ZBTB40: variants seen among roughly 807,000 people sequenced by gnomAD.
The protein encoded by ZBTB40 is zinc finger and BTB domain containing 40.
A neutral mutation model predicts 117.5 loss-of-function variants in ZBTB40; 60 were observed. The ratio of observed to expected loss-of-function variants is 0.51; its 90% confidence interval spans 0.41 to 0.63. The LOEUF (loss-of-function observed/expected upper bound fraction) is 0.63. Among genes scored for constraint, ZBTB40 ranks in the 30% least tolerant of loss-of-function variants. The pLI is 0.00. For synonymous variants in ZBTB40, 525 were observed against 577.1 expected (o/e 0.91, Z 1.29); for missense variants, 1,287 against 1,498.5 (o/e 0.86, Z 2.33).
chr1:22,449,171 A>G (rs1423871407), upstream of ZBTB40, among the ~76,000 whole-genome samples: 4 of 152,226 alleles, frequency 2.6e-5, no homozygotes, highest in African/African-American at 9.6e-5. Flanking sequence ...TGTTCTTGGC[A>G]TATAGTAGTC....
rs1357577114 is a variant in ZBTB40, at chr1:22,524,264, T to C, written c.3345T>C (p.Phe1115=). 2 of 1,614,196 alleles carry C rather than the reference T, an allele frequency of 1.2e-6. No homozygotes were observed. The highest frequency in any genetic ancestry group is 1.7e-5 in the Admixed American group (1 of 60,026). The change falls in exon 17 of 18, where the codon TTT becomes TTC. Residue 1115 remains phenylalanine, a synonymous_variant. Coordinates refer to ENST00000375647, the MANE Select transcript of ZBTB40 (RefSeq NM_014870.4). ...TGTACTGTGCTGCTACTTTCCGTTT[T>C]CCTGGAGCATTGCAGCACCATGTCA... The part of the protein sequence containing the change: ...RCLYCAATFR[F]PGALQHHVTT...
chr1:22,522,399 C>T lies in ZBTB40; in HGVS notation c.3234C>T (p.Asp1078=), dbSNP rs758667699. ...CAGATATGAAGTTCCATGAATGTGA[C>T]CAGTGTAAGGAGCTCTTCCCCACGC... ...EHADMKFHEC[D]QCKELFPTPA... is the part of the protein sequence containing the mutation. The change falls in exon 16 of 18, where the codon GAC becomes GAT. Residue 1078 remains aspartate (D), a synonymous_variant. Transcript: ENST00000375647. The T allele has an allele frequency of 2.5e-6, 4 of 1,614,060 alleles. No individual in the cohort carries two copies. The African/African-American group carries it at 5.3e-5, about 22-fold the overall frequency.
intron 1 of ZBTB40, among the ~76,000 whole-genome samples, chr1:22,465,623 T>G (rs934827765): frequency 6.6e-6 from 1 of 152,120 alleles, no homozygotes; most frequent in Admixed American, 6.5e-5. Flanking sequence ...CCAACTTTGC[T>G]CCAGATTGAG....
upstream of ZBTB40, among the ~76,000 whole-genome samples, chr1:22,450,361 G>C (rs1342130339): frequency 6.6e-6 from 1 of 152,232 alleles, no homozygotes; most frequent in East Asian, 1.9e-4. Flanking sequence ...TGAGGCTGGT[G>C]GAAATGAGGG....
In ZBTB40 at chr1:22,524,442, C is replaced by G. The variant is rs1002735384; in HGVS notation, c.3523C>G (p.Gln1175Glu). ...ETQAAASQMAQVIQTPEPVAP... is the reference protein window; with the variant it reads ...ETQAAASQMAEVIQTPEPVAP... ...CCAGGCCGCAGCCTCACAGATGGCG[C>G]AGGTGATTCTGGGGCCATCAGCTAC... The change falls in exon 17 of 18, where the codon CAG becomes GAG. Residue 1175 changes from glutamine to glutamate, a missense_variant and splice_region_variant. Physicochemically the swap from Gln to Glu is conservative, Grantham distance 29. This residue lies in a region of ZBTB40 where 417 missense variants were observed against 564.1 expected (regional missense o/e 0.74). Coordinates refer to ENST00000375647, the MANE Select transcript of ZBTB40 (RefSeq NM_014870.4). 1.9e-6 allele frequency: 3 copies of G among 1,613,190 alleles called. No homozygotes were observed. The highest frequency in any genetic ancestry group is 1.7e-6 in the Non-Finnish European group (2 of 1,180,022).
chr1:22,460,096 T>C (rs1398784119), intron 1 of ZBTB40, among the ~76,000 whole-genome samples: 1 of 152,180 alleles, frequency 6.6e-6, no homozygotes, highest in Non-Finnish European at 1.5e-5. Context: ...ATTATATTGT[T>C]CCCTAAATCT....
chr1:22,524,125 C>A (rs958731358), intron 16 of ZBTB40, 93 bp from the exon 17 acceptor site: 15 of 1,238,348 alleles, frequency 1.2e-5, no homozygotes, highest in Non-Finnish European at 1.7e-5. Flanking sequence ...ATCCTCATTG[C>A]TCTTTCCTCT....
chr1:22,437,937 C>A (rs2124364437), intron 1 of ZBTB40, among the ~76,000 whole-genome samples: 1 of 151,800 alleles, frequency 6.6e-6, no homozygotes, highest in South Asian at 2.1e-4. Flanking sequence ...TCGAGACCAG[C>A]CTGACAAACA....
At chr1:22,508,962 C>A in intron 8 of ZBTB40, 138 bp from the exon 9 acceptor site, 2 of 1,341,826 alleles carry the variant, frequency 1.5e-6, no homozygotes, top group Non-Finnish European at 2.1e-6. Context: ...GTGCTATTTG[C>A]CGTTTTCCCC....
intron 1 of ZBTB40, among the ~76,000 whole-genome samples, chr1:22,462,492 C>T (rs1005960688): frequency 3.3e-5 from 5 of 152,246 alleles, no homozygotes; most frequent in Non-Finnish European, 7.3e-5. Context: ...ACCTCTCAAA[C>T]GCATTCTTCT....
At chr1:22,433,636 GTTAGTTCTAGGACTACCCCT>G (rs1640631364) in intron 1 of ZBTB40, among the ~76,000 whole-genome samples, 1 of 144,514 alleles carries the variant, frequency 6.9e-6, no homozygotes, top group African/African-American at 2.5e-5. Flanking sequence ...GGGGTGGAGG[GTTAGTTCTAGGACTACCCCT>G]GTAGTCCTAG....
Position 22,491,552 on chromosome 1 carries a change from T to C in ZBTB40, c.831+19T>C. 6.2e-7 allele frequency: 1 copy of C among 1,613,586 alleles called. No homozygotes were observed. The highest frequency in any genetic ancestry group is 8.5e-7 in the Non-Finnish European group (1 of 1,179,648). ...GAAGGAGGTAGGCACCTCTGACTTTTGTACTTGTTTGCTAGTTTAGTGTTC... is the reference window on the plus strand; with the variant it reads ...GAAGGAGGTAGGCACCTCTGACTTTCGTACTTGTTTGCTAGTTTAGTGTTC... On this transcript the variant is annotated intron_variant, in intron 3 of 17. Coordinates refer to ENST00000375647, the MANE Select transcript of ZBTB40 (RefSeq NM_014870.4).
chr1:22,435,281 A>G (rs1200005027), intron 1 of ZBTB40, among the ~76,000 whole-genome samples: 1 of 152,184 alleles, frequency 6.6e-6, no homozygotes, highest in East Asian at 1.9e-4. Context: ...GATTACAGGC[A>G]TGCGCCATTG....
intron 1 of ZBTB40, among the ~76,000 whole-genome samples, chr1:22,463,475 G>A (rs1414562936): frequency 6.6e-6 from 1 of 152,210 alleles, no homozygotes; most frequent in Non-Finnish European, 1.5e-5. Context: ...CAGTGACAAA[G>A]CAAAGGGTCT....
In ZBTB40 at chr1:22,511,234, T is replaced by C; in HGVS notation, c.1889T>C (p.Leu630Pro). 1.9e-6 allele frequency: 3 copies of C among 1,614,082 alleles called. No homozygotes were observed. Among genetic ancestry groups the C allele is most frequent in the Non-Finnish European group, 2.5e-6 (3 of 1,180,012 alleles). Reference protein sequence around the residue: ...ASPEASLRAVLSRAMEKSVPA... With the variant: ...ASPEASLRAVPSRAMEKSVPA... ...CCTGAAGCTTCCCTGAGAGCAGTGC[T>C]GAGCAGAGCCATGGAAAAATCAGTC... is the stretch of plus-strand genomic sequence containing the variant. The change falls in exon 10 of 18, where the codon CTG becomes CCG. Residue 630 changes from leucine to proline, a missense_variant. Physicochemically the swap from Leu to Pro is moderately conservative, Grantham distance 98. Transcript: ENST00000375647.
intron 1 of ZBTB40, among the ~76,000 whole-genome samples, chr1:22,477,195 TTTAA>T (rs1262860729): frequency 6.6e-6 from 1 of 152,214 alleles, no homozygotes; most frequent in Non-Finnish European, 1.5e-5. Context: ...TTAATTCTAG[TTTAA>T]TTGTTTATTT....
At chr1:22,440,688 A>G (rs535500593) in intron 1 of ZBTB40, among the ~76,000 whole-genome samples, 14 of 151,794 alleles carry the variant, frequency 9.2e-5, no homozygotes, top group African/African-American at 3.4e-4. Flanking sequence ...TAATCATGAA[A>G]GGGTGTTATG....
chr1:22,468,463 TC>T (rs1641312212), intron 1 of ZBTB40, among the ~76,000 whole-genome samples: 1 of 108,612 alleles, frequency 9.2e-6, no homozygotes, highest in South Asian at 2.6e-4. Flanking sequence ...TGTTAATGTT[TC>T]CTTTTTTTTT....
upstream of ZBTB40, among the ~76,000 whole-genome samples, chr1:22,451,298 TTCCTTGCCC>T (rs1640863352): frequency 1.3e-5 from 2 of 152,188 alleles, no homozygotes; most frequent in African/African-American, 2.4e-5. Context: ...TTGTGTTCAC[TTCCTTGCCC>T]TCCTTTGAAA....
Sources: gnomAD v4.1 joint callset for allele counts (sites outside exome capture counted in the v4.1 genomes callset) on GRCh38, gnomAD v4.1.1 for gene constraint, gnomAD v4.1.1 regional missense constraint, MANE v1.5 for transcripts, NCBI Gene and HGNC (gene_info 2026-07-23, HGNC 2026-07-21) for gene names.